Variants in SCAPER observed in about 807,000 individuals in gnomAD.
The protein encoded by SCAPER is S-phase cyclin A associated protein in the ER, also known as S phase cyclin A-associated protein in the endoplasmic reticulum.
A neutral mutation model predicts 182.2 loss-of-function variants in SCAPER; 98 were observed. The ratio of observed to expected loss-of-function variants is 0.54; its 90% CI spans 0.46 to 0.64. The LOEUF (loss-of-function observed/expected upper bound fraction) is 0.64. Among genes scored for constraint, SCAPER ranks in the 30% least tolerant of loss-of-function variants. The pLI is 0.00. For synonymous variants in SCAPER, 605 were observed against 564.6 expected (o/e 1.07, Z -1.01); for missense variants, 1,432 against 1,690.0 (o/e 0.85, Z 2.68).
intron 22 of SCAPER, among the ~76,000 whole-genome samples, chr15:76,621,025 A>T (rs184422693): frequency 3.6e-4 from 55 of 152,334 alleles, no homozygotes; most frequent in East Asian, 9.6e-4. Flanking sequence ...AAAAATTTTT[A>T]AAAGAGTCAT....
chr15:76,755,400 AT>A (rs1431984515), intron 14 of SCAPER, among the ~76,000 whole-genome samples: 1 of 152,208 alleles, frequency 6.6e-6, no homozygotes, highest in African/African-American at 2.4e-5. Context: ...GAACATTCAG[AT>A]TATGTGGTCC....
chr15:76,815,150 A>G (rs62029184), intron 5 of SCAPER, among the ~76,000 whole-genome samples: 11,602 of 152,252 alleles, frequency 0.076, 500 homozygotes, highest in Middle Eastern at 0.11. Flanking sequence ...ACCCTTGTAC[A>G]CTATTTGTGG....
chr15:76,825,498 T>A (rs2067932928), intron 5 of SCAPER, among the ~76,000 whole-genome samples: 1 of 152,138 alleles, frequency 6.6e-6, no homozygotes, highest in Non-Finnish European at 1.5e-5. Flanking sequence ...CAAACCATAT[T>A]TGTCCATAGT....
intron 22 of SCAPER, 135 bp downstream of exon 22, chr15:76,621,629 C>A (rs772060431): frequency 1.4e-6 from 1 of 738,566 alleles, no homozygotes; most frequent in Non-Finnish European, 2.2e-6. Context: ...TAGTTGGATA[C>A]TACTGTGTTA....
At position 76,366,772 on chromosome 15, in the gene SCAPER, C is replaced by T. The variant is rs531743253; in HGVS notation, c.3855+9390G>A. On this transcript the variant is annotated intron_variant, in intron 29 of 31. Transcript: ENST00000563290. ...CCCAAGGTGGTGAGTGGAGATTCTC[C>T]TTCACTGCCTTCCAGACAAGAATAG... Among the ~76,000 whole-genome samples the T allele has an allele frequency of 1.0e-3, 156 of 152,320 alleles. 3 individuals are homozygous for T. Among genetic ancestry groups the T allele is most frequent in the African/African-American group, 3.7e-3 (153 of 41,560 alleles).
chr15:76,826,721 G>A (rs2068052121), intron 5 of SCAPER, among the ~76,000 whole-genome samples: 2 of 152,176 alleles, frequency 1.3e-5, no homozygotes, highest in African/African-American at 4.8e-5. Context: ...TCAACATGAT[G>A]TGTTTGATGT....
At chr15:76,602,976 C>A (rs1433567205) in intron 22 of SCAPER, among the ~76,000 whole-genome samples, 2 of 57,822 alleles carry the variant, frequency 3.5e-5, no homozygotes, top group African/African-American at 8.8e-5. Context: ...AGCAAGAAAA[C>A]TTTTTTTTTT....
intron 9 of SCAPER, 139 bp from the exon 10 acceptor site, chr15:76,772,093 C>CT: frequency 1.5e-6 from 1 of 651,974 alleles, no homozygotes. Context: ...ATTTACTCAT[C>CT]TTTTTTGTAT....
At chr15:76,666,737 A>G (rs2056600668) in intron 20 of SCAPER, among the ~76,000 whole-genome samples, 1 of 152,128 alleles carries the variant, frequency 6.6e-6, no homozygotes, top group African/African-American at 2.4e-5. Context: ...TCCTAACCCC[A>G]TCTCTCAGTT....
rs930390056 is a variant in SCAPER, at chr15:76,819,401, G to A, written c.394-14768C>T. ...TCTGAGACAAAACTTCCAGAGGAAC[G>A]ATCAGGCAGCAGCATTTGCAGTTCA... On this transcript the variant is annotated intron_variant, in intron 5 of 31. Transcript: ENST00000563290. 1.4e-4 allele frequency among the ~76,000 whole-genome samples: 21 copies of A among 152,190 alleles called. 1 individual carries two copies. Among genetic ancestry groups the A allele is most frequent in the African/African-American group, 3.6e-4 (15 of 41,456 alleles).
chr15:76,778,609 C>T (rs909254287), intron 8 of SCAPER, among the ~76,000 whole-genome samples: 6 of 151,672 alleles, frequency 4.0e-5, no homozygotes, highest in African/African-American at 1.5e-4. Context: ...ACTCCATAAA[C>T]TCTTTAATTA....
At chr15:76,567,782 T>TTATA (rs1323199491) in intron 23 of SCAPER, among the ~76,000 whole-genome samples, 1 of 152,124 alleles carries the variant, frequency 6.6e-6, no homozygotes, top group Non-Finnish European at 1.5e-5. Flanking sequence ...CTTTTGTTGA[T>TTATA]TATATATATG....
At chr15:76,625,353 G>A (rs1449742204) in intron 21 of SCAPER, among the ~76,000 whole-genome samples, 1 of 152,200 alleles carries the variant, frequency 6.6e-6, no homozygotes, top group Non-Finnish European at 1.5e-5. Context: ...CATGCACATT[G>A]CTTGTGCTTT....
intron 2 of SCAPER, among the ~76,000 whole-genome samples, chr15:76,865,719 A>G (rs2072239554): frequency 6.6e-6 from 1 of 152,122 alleles, no homozygotes; most frequent in Admixed American, 6.5e-5. Context: ...ATATCCAACT[A>G]CCAGAAAAAC....
intron 8 of SCAPER, among the ~76,000 whole-genome samples, chr15:76,789,253 G>GT (rs1416501710): frequency 1.3e-5 from 2 of 151,628 alleles, no homozygotes; most frequent in African/African-American, 2.4e-5. Flanking sequence ...AACAAAAATC[G>GT]TAAGATGAAT....
intron 23 of SCAPER, among the ~76,000 whole-genome samples, chr15:76,540,506 C>A (rs1319956527): frequency 6.6e-6 from 1 of 151,908 alleles, no homozygotes; most frequent in Non-Finnish European, 1.5e-5. Context: ...AAAGAAAAAA[C>A]TATATATACA....
At chr15:76,652,371 C>CACACATAT (rs764864981) in intron 21 of SCAPER, among the ~76,000 whole-genome samples, 2 of 8,062 alleles carry the variant, frequency 2.5e-4, no homozygotes, top group African/African-American at 1.0e-3. Context: ...CACACACACA[C>CACACATAT]ATATATATAT....
rs556420660 is a variant in SCAPER, at chr15:76,399,914, A to G, written c.3467+4610T>C. Among the ~76,000 whole-genome samples, 4 of 151,758 alleles carry G rather than the reference A, an allele frequency of 2.6e-5. No individual in the cohort carries two copies. In the East Asian group the frequency reaches 5.8e-4, roughly 22 times the overall value. ...CAGCTATTCGGGAGGCTGAGGCAGG[A>G]GAATAACTTGAACCCAGGAAGCAGA... On this transcript the variant is annotated intron_variant, in intron 27 of 31. Transcript: ENST00000563290.
At chr15:76,426,808 A>C (rs1227063111) in intron 26 of SCAPER, among the ~76,000 whole-genome samples, 1 of 152,202 alleles carries the variant, frequency 6.6e-6, no homozygotes, top group Non-Finnish European at 1.5e-5. Context: ...ATATTAATTG[A>C]CTTAAAAATG....
Sources: gnomAD v4.1 joint callset for allele counts (sites outside exome capture counted in the v4.1 genomes callset) on GRCh38, gnomAD v4.1.1 for gene constraint, MANE v1.5 for transcripts, NCBI Gene and HGNC (gene_info 2026-07-23, HGNC 2026-07-21) for gene names.